The following MEIOSIN variants were observed in gnomAD, a reference collection of about 807,000 sequenced individuals.
MEIOSIN encodes meiosis initiator.
Under a neutral mutation model 23.4 loss-of-function variants are expected in MEIOSIN, and 18 were observed. That is an observed-to-expected ratio of 0.77 (90% CI 0.53 to 1.14). MEIOSIN has a LOEUF of 1.14. Among genes scored for constraint, MEIOSIN ranks in the 50% most tolerant of loss-of-function variants. MEIOSIN has a pLI of 0.00. For missense variants in MEIOSIN, 428 were observed against 242.9 expected (o/e 1.76, Z -5.07); for synonymous variants, 187 against 100.6 (o/e 1.86, Z -5.14).
intron 2 of MEIOSIN, among the ~76,000 whole-genome samples, chr19:45,739,341 CG>C (rs2146174082): frequency 6.6e-6 from 1 of 152,088 alleles, no homozygotes; most frequent in South Asian, 2.1e-4. Context: ...TTAGTGAAAA[CG>C]GGGTTTCACC....
In MEIOSIN at chr19:45,758,002, A is replaced by ATTT. The variant is rs769113461; in HGVS notation, c.1012+735_1012+737dup. Among the ~76,000 whole-genome samples, 18 of 146,114 alleles carry ATTT rather than the reference A, an allele frequency of 1.2e-4. No homozygotes were observed. The South Asian group carries it at 3.7e-3, about 30-fold the overall frequency. On this transcript the variant is annotated intron_variant, in intron 9 of 14. Coordinates refer to ENST00000457052, the MANE Select transcript of MEIOSIN (RefSeq NM_001310124.2). ...GCCCCTGCTCCCGACCTCAGAATCC[A>ATTT]TTTTTTTTTTTTGAGACGGAGTTTC...
chr19:45,736,010 T>G (rs1360800853), intron 2 of MEIOSIN, among the ~76,000 whole-genome samples: 1 of 151,922 alleles, frequency 6.6e-6, no homozygotes, highest in African/African-American at 2.4e-5. Flanking sequence ...CAAAGATAAC[T>G]TCTAAGGTCC....
chr19:45,760,310 A>G (rs1259725682), intron 11 of MEIOSIN, among the ~76,000 whole-genome samples: 1 of 152,148 alleles, frequency 6.6e-6, no homozygotes, highest in Non-Finnish European at 1.5e-5. Context: ...TCTACTAAAA[A>G]TACAAGAAGT....
Position 45,750,878 on chromosome 19 carries a change from C to A in MEIOSIN, c.418+92C>A. The A allele has an allele frequency of 1.3e-5, 6 of 469,992 alleles. 1 individual carries two copies. In the South Asian group the frequency reaches 2.1e-4, roughly 16 times the overall value. The allele number at this position is 469,992 out of a possible 1,614,324, so 29.1% of individuals were successfully genotyped here. On this transcript the variant is annotated intron_variant, in intron 5 of 14. Coordinates refer to ENST00000457052, the MANE Select transcript of MEIOSIN (RefSeq NM_001310124.2). ...TACTGAGTGACCCTTCTGTCAAGGC[C>A]TGGTATAGGGGACAAAGAGAGATAT...
At chr19:45,746,825 GAAA>G (rs376837969) in intron 4 of MEIOSIN, among the ~76,000 whole-genome samples, 1 of 96,998 alleles carries the variant, frequency 1.0e-5, no homozygotes, top group Non-Finnish European at 2.2e-5. Context: ...TGTCTCAAAA[GAAA>G]AAAAAAAAAA....
chr19:45,759,343 G>A (rs1447199876), intron 10 of MEIOSIN, 71 bp from the exon 11 acceptor site: 8 of 697,486 alleles, frequency 1.1e-5, no homozygotes, highest in East Asian at 5.4e-5. Flanking sequence ...TAGCAGGGAC[G>A]GTGTGGCTGA....
intron 11 of MEIOSIN, among the ~76,000 whole-genome samples, chr19:45,760,237 G>T (rs1031550844): frequency 6.6e-6 from 1 of 152,074 alleles, no homozygotes; most frequent in Non-Finnish European, 1.5e-5. Context: ...AGAGGCTGAC[G>T]TAGGCGGATC....
chr19:45,746,775 C>T (rs1271969146), intron 4 of MEIOSIN, among the ~76,000 whole-genome samples: 1 of 150,988 alleles, frequency 6.6e-6, no homozygotes, highest in African/African-American at 2.4e-5. Context: ...GATCCGAGAT[C>T]GCGCCATTGC....
intron 2 of MEIOSIN, 42 bp downstream of exon 2, chr19:45,735,489 C>T (rs745736419): frequency 5.3e-5 from 36 of 676,116 alleles, no homozygotes; most frequent in Non-Finnish European, 9.7e-5. Flanking sequence ...CAGCCACTCT[C>T]ATTGAATAAT....
chr19:45,735,821 C>T (rs558190808), intron 2 of MEIOSIN, among the ~76,000 whole-genome samples: 15 of 151,912 alleles, frequency 9.9e-5, no homozygotes, highest in Non-Finnish European at 1.8e-4. Context: ...GGACTACAGG[C>T]TCATGCCTCC....
intron 9 of MEIOSIN, among the ~76,000 whole-genome samples, chr19:45,758,676 C>T (rs1421656881): frequency 1.3e-5 from 2 of 152,138 alleles, no homozygotes; most frequent in Non-Finnish European, 2.9e-5. Flanking sequence ...ATGATCCGCC[C>T]ACCTTGGCCT....
chr19:45,750,659 C>T lies in MEIOSIN; in HGVS notation c.307-16C>T. ...CAGGCGTGAGCCTGGCCAACCCTGT[C>T]TTTCTTTTGAGGCAGAAGGAGATTC... On this transcript the variant is annotated splice_polypyrimidine_tract_variant and intron_variant, in intron 4 of 14. Transcript: ENST00000457052. The T allele has an allele frequency of 1.8e-6, 1 of 542,846 alleles. No individual in the cohort carries two copies. The highest frequency in any genetic ancestry group is 3.3e-6 in the Non-Finnish European group (1 of 306,916). 33.6% of individuals were successfully genotyped at this position (542,846 alleles called of 1,614,324 possible). A position where few individuals can be genotyped will look rare whatever the true frequency, so the allele number is the denominator to read the frequency against.
At chr19:45,737,531 TCA>T (rs1218226144) in intron 2 of MEIOSIN, among the ~76,000 whole-genome samples, 1 of 151,398 alleles carries the variant, frequency 6.6e-6, no homozygotes, top group African/African-American at 2.4e-5. Context: ...AGTGACACGA[TCA>T]CAGTTTACTG....
intron 4 of MEIOSIN, among the ~76,000 whole-genome samples, chr19:45,748,360 G>T (rs1023515596): frequency 6.6e-6 from 1 of 152,174 alleles, no homozygotes; most frequent in African/African-American, 2.4e-5. Context: ...GATTACAGGC[G>T]TGAGCCACCG....
Position 45,763,443 on chromosome 19 carries a change from C to T in MEIOSIN, c.1769+16C>T, listed in dbSNP as rs1394184157. The T allele has an allele frequency of 2.5e-6, 1 of 398,548 alleles. No individual in the cohort carries two copies. The highest frequency in any genetic ancestry group is 4.4e-5 in the Admixed American group (1 of 22,718). The allele number at this position is 398,548 out of a possible 1,614,324, so 24.7% of individuals were successfully genotyped here. On this transcript the variant is annotated intron_variant, in intron 14 of 14. Transcript: ENST00000457052. Reference sequence around the variant, plus strand: ...GGCCATACTGGTGAGAGGCTCCGGCCCCGAGGTGTGGGTGGGGGGTGGAAG... The same window carrying T: ...GGCCATACTGGTGAGAGGCTCCGGCTCCGAGGTGTGGGTGGGGGGTGGAAG...
rs377376279 is a variant in MEIOSIN, at chr19:45,748,059, G to A, written c.307-2616G>A. ...AGATCATACCACTGCACTCCAGCCT[G>A]AGCAACAGAGTAAGACCCTGTCTTT... On this transcript the variant is annotated intron_variant, in intron 4 of 14. Transcript: ENST00000457052. Among the ~76,000 whole-genome samples, 324 of 152,112 alleles carry A rather than the reference G, an allele frequency of 2.1e-3. 2 individuals are homozygous for A. Among genetic ancestry groups the A allele is most frequent in the African/African-American group, 7.4e-3 (307 of 41,496 alleles).
chr19:45,760,093 G>A (rs944322891), intron 11 of MEIOSIN, among the ~76,000 whole-genome samples: 2 of 151,858 alleles, frequency 1.3e-5, no homozygotes, highest in Non-Finnish European at 2.9e-5. Flanking sequence ...GAGCCACCGT[G>A]CCCAGCTTCC....
In MEIOSIN at chr19:45,759,274, G is replaced by A. The variant is rs76254480; in HGVS notation, c.1169-140G>A. The stretch of plus-strand genomic sequence containing the variant: ...TGACCCAGGGGAGTGGGCTGTGAGC[G>A]GGATTTGGACCTAGGGTGGGAGATC... On this transcript the variant is annotated intron_variant, in intron 10 of 14. Transcript: ENST00000457052. 5.6e-3 allele frequency: 3,601 copies of A among 639,914 alleles called. 94 individuals carry two copies. The African/African-American group carries it at 0.056, about 10-fold the overall frequency. The allele number at this position is 639,914 out of a possible 1,614,324, so 39.6% of individuals were successfully genotyped here. A position where few individuals can be genotyped will look rare whatever the true frequency, so the allele number is the denominator to read the frequency against.
At chr19:45,751,023 G>A (rs941677320) in intron 5 of MEIOSIN, among the ~76,000 whole-genome samples, 14 of 152,110 alleles carry the variant, frequency 9.2e-5, no homozygotes, top group African/African-American at 3.4e-4. Context: ...CTGTACTCCC[G>A]GCACTTTGGG....
Sources: allele counts gnomAD v4.1 joint callset (sites outside exome capture counted in the v4.1 genomes callset), GRCh38; gene constraint gnomAD v4.1.1; transcripts MANE v1.5; gene names NCBI Gene and HGNC (gene_info 2026-07-23, HGNC 2026-07-21).